Variants in CDH4 observed in about 807,000 individuals in gnomAD.
CDH4 encodes cadherin-4.
A neutral mutation model predicts 86.0 loss-of-function variants in CDH4; 33 were observed. The ratio of observed to expected loss-of-function variants is 0.38; its 90% CI spans 0.29 to 0.51. CDH4 has a LOEUF of 0.51. Ranked by LOEUF, CDH4 falls within the 20% of genes least tolerant of loss-of-function variation. The pLI, the probability that CDH4 is intolerant of heterozygous loss-of-function variation, is 0.86. For missense variants in CDH4, 1,114 were observed against 1,307.4 expected (o/e 0.85, Z 2.28); for synonymous variants, 555 against 549.4 (o/e 1.01, Z -0.14).
At chr20:61,514,167 A>C (rs1358823209) in intron 2 of CDH4, among the ~76,000 whole-genome samples, 1 of 152,218 alleles carries the variant, frequency 6.6e-6, no homozygotes, top group Admixed American at 6.5e-5. Flanking sequence ...TCTGATTTGC[A>C]GTTGGTTAAG....
intron 2 of CDH4, among the ~76,000 whole-genome samples, chr20:61,658,647 G>A (rs772383903): frequency 1.4e-4 from 22 of 152,210 alleles, no homozygotes; most frequent in Non-Finnish European, 8.8e-5. Context: ...CCTGGCCCAG[G>A]AGCCCTCCTG....
chr20:61,413,847 C>T (rs973800600), intron 2 of CDH4, among the ~76,000 whole-genome samples: 2 of 152,220 alleles, frequency 1.3e-5, no homozygotes, highest in Non-Finnish European at 2.9e-5. Flanking sequence ...TTTTCAGCAG[C>T]CTCCCTATCT....
intron 2 of CDH4, among the ~76,000 whole-genome samples, chr20:61,366,804 C>G (rs1173710144): frequency 6.6e-6 from 1 of 152,212 alleles, no homozygotes; most frequent in Non-Finnish European, 1.5e-5. Flanking sequence ...ATGAACATGT[C>G]TCAGTGCTGC....
At chr20:61,747,754 G>C (rs2088434792) in intron 3 of CDH4, among the ~76,000 whole-genome samples, 1 of 152,098 alleles carries the variant, frequency 6.6e-6, no homozygotes, top group Admixed American at 6.5e-5. Flanking sequence ...AAATACAGAA[G>C]CAACCGTAAG....
At chr20:61,280,719 C>A (rs1017426496) in intron 2 of CDH4, among the ~76,000 whole-genome samples, 3 of 152,190 alleles carry the variant, frequency 2.0e-5, no homozygotes, top group South Asian at 2.1e-4. Context: ...GATGTGGGGG[C>A]AGCACAGTTC....
intron 2 of CDH4, among the ~76,000 whole-genome samples, chr20:61,325,868 C>G (rs1407682761): frequency 6.6e-6 from 1 of 152,154 alleles, no homozygotes; most frequent in Non-Finnish European, 1.5e-5. Context: ...TGCTTCTTGC[C>G]ACGGGTGCCG....
intron 2 of CDH4, among the ~76,000 whole-genome samples, chr20:61,308,132 A>G (rs2084427231): frequency 6.6e-6 from 1 of 152,198 alleles, no homozygotes. Flanking sequence ...CTCACTGCCC[A>G]GGGGGCGGGG....
intron 2 of CDH4, among the ~76,000 whole-genome samples, chr20:61,654,064 C>G (rs1461423852): frequency 1.3e-5 from 2 of 151,940 alleles, no homozygotes; most frequent in East Asian, 1.9e-4. Flanking sequence ...TTTGGGAGGC[C>G]AAGGCAGGCG....
chr20:61,650,213 G>GT (rs2087107109), intron 2 of CDH4, among the ~76,000 whole-genome samples: 1 of 152,224 alleles, frequency 6.6e-6, no homozygotes, highest in South Asian at 2.1e-4. Flanking sequence ...CCCATTTGGA[G>GT]TGAAATCAGA....
chr20:61,488,169 C>T (rs2145585698), intron 2 of CDH4, among the ~76,000 whole-genome samples: 1 of 152,298 alleles, frequency 6.6e-6, no homozygotes, highest in Admixed American at 6.5e-5. Flanking sequence ...AAGGAATCTA[C>T]TATTGCTGCA....
At chr20:61,514,022 A>G (rs1196551106) in intron 2 of CDH4, among the ~76,000 whole-genome samples, 1 of 152,262 alleles carries the variant, frequency 6.6e-6, no homozygotes, top group Admixed American at 6.5e-5. Context: ...TGGCTGGCTT[A>G]CAAGCAAGAG....
At chr20:61,440,760 T>C (rs2085310579) in intron 2 of CDH4, among the ~76,000 whole-genome samples, 1 of 152,184 alleles carries the variant, frequency 6.6e-6, no homozygotes, top group Admixed American at 6.5e-5. Flanking sequence ...GCGCTATTGT[T>C]GGTGTCCTCA....
intron 14 of CDH4, 68 bp downstream of exon 14, chr20:61,933,192 G>A (rs2055135841): frequency 1.3e-6 from 2 of 1,566,412 alleles, no homozygotes; most frequent in African/African-American, 2.7e-5. Context: ...TGTCTCAGCA[G>A]GGATTGCCCT....
chr20:61,769,103 C>T (rs1037307663), intron 3 of CDH4, among the ~76,000 whole-genome samples: 2 of 152,182 alleles, frequency 1.3e-5, no homozygotes, highest in Admixed American at 6.5e-5. Flanking sequence ...TCCCCTCGCC[C>T]TCATCTGGGA....
rs932537408 is a variant in CDH4, at chr20:61,627,774, G to A, written c.170-115789G>A. On this transcript the variant is annotated intron_variant, in intron 2 of 15. Coordinates refer to ENST00000614565, the MANE Select transcript of CDH4 (RefSeq NM_001794.5). ...AGACGGCCTGGTGCAGGATCCCTTT[G>A]ATGTGGAGGAGGGTGGGTCCCTGCC... 9.2e-5 allele frequency among the ~76,000 whole-genome samples: 14 copies of A among 152,180 alleles called. No individual in the cohort carries two copies. In the East Asian group the frequency reaches 2.7e-3, roughly 30 times the overall value.
At chr20:61,683,170 G>A (rs1005726688) in intron 2 of CDH4, among the ~76,000 whole-genome samples, 3 of 152,164 alleles carry the variant, frequency 2.0e-5, no homozygotes, top group South Asian at 4.1e-4. Context: ...GTGTGAATGT[G>A]CAGAGTACGG....
At chr20:61,496,956 A>ATTTT (rs59603072) in intron 2 of CDH4, among the ~76,000 whole-genome samples, 3 of 108,588 alleles carry the variant, frequency 2.8e-5, no homozygotes, top group African/African-American at 6.4e-5. Flanking sequence ...TTGGGGATTG[A>ATTTT]TTTTTTTTTT....
intron 2 of CDH4, among the ~76,000 whole-genome samples, chr20:61,650,744 C>G (rs746097695): frequency 3.3e-5 from 5 of 152,198 alleles, no homozygotes; most frequent in Non-Finnish European, 5.9e-5. Context: ...ACAATAATTA[C>G]AGGTCTTTAG....
intron 4 of CDH4, among the ~76,000 whole-genome samples, chr20:61,776,278 A>G (rs1194469434): frequency 2.0e-5 from 3 of 152,228 alleles, no homozygotes; most frequent in African/African-American, 7.2e-5. Flanking sequence ...CTGAGAGAGC[A>G]GCCGGCACCG....
Sources: allele counts gnomAD v4.1 joint callset (sites outside exome capture counted in the v4.1 genomes callset), GRCh38; gene constraint gnomAD v4.1.1; transcripts MANE v1.5; gene names NCBI Gene and HGNC (gene_info 2026-07-23, HGNC 2026-07-21).